Variants in RAB3GAP2 observed in about 807,000 individuals in gnomAD.
The protein encoded by RAB3GAP2 is RAB3 GTPase activating non-catalytic protein subunit 2, also known as rab3 GTPase-activating protein non-catalytic subunit.
RAB3GAP2 carries 87 observed loss-of-function variants against 185.3 expected under a neutral mutation model. That is an observed-to-expected ratio of 0.47 (90% confidence interval 0.39 to 0.56). The LOEUF (loss-of-function observed/expected upper bound fraction) is 0.56, where lower values mean the gene tolerates loss of function less well. Ranked by LOEUF, RAB3GAP2 falls within the 20% of genes least tolerant of loss-of-function variation. The pLI, the probability that RAB3GAP2 is intolerant of heterozygous loss-of-function variation, is 0.00. For missense variants in RAB3GAP2, 1,492 were observed against 1,638.2 expected (o/e 0.91, Z 1.54); for synonymous variants, 554 against 576.1 (o/e 0.96, Z 0.55).
Position 220,213,917 on chromosome 1 carries a change from G to C in RAB3GAP2, c.243C>G (p.Ser81=). 1 of 1,613,062 alleles carries C rather than the reference G, an allele frequency of 6.2e-7. No individual in the cohort carries two copies. The highest frequency in any genetic ancestry group is 1.3e-5 in the African/African-American group (1 of 75,004). ...KTSWLQDCVL[S]LSPTNDLMVI... is the part of the protein sequence containing the mutation. ...CCATAAGATCATTGGTTGGAGATAA[G>C]GATAAAACACAATCTTGGAGCCAGG... The change falls in exon 3 of 35, where the codon TCC becomes TCG. Residue 81 remains serine (S), a synonymous_variant. Coordinates refer to ENST00000358951, the MANE Select transcript of RAB3GAP2 (RefSeq NM_012414.4).
Position 220,149,287 on chromosome 1 carries a change from G to A in RAB3GAP2, c.*1964C>T, listed in dbSNP as rs191918545. 6.6e-6 allele frequency: 1 copy of A among 152,120 alleles called. No homozygotes were observed. The highest frequency in any genetic ancestry group is 2.4e-5 in the African/African-American group (1 of 41,430). The allele number at this position is 152,120 out of a possible 1,614,324, so 9.4% of individuals were successfully genotyped here. A position where few individuals can be genotyped will look rare whatever the true frequency, so the allele number is the denominator to read the frequency against. ...TCTAACTAGAGACTTAATGATTTGTGTTAGGATTCTGTGAGCCATACTTCA... is the reference window on the plus strand; with the variant it reads ...TCTAACTAGAGACTTAATGATTTGTATTAGGATTCTGTGAGCCATACTTCA... On this transcript the variant is annotated 3_prime_UTR_variant, in exon 35 of 35. Coordinates refer to ENST00000358951, the MANE Select transcript of RAB3GAP2 (RefSeq NM_012414.4).
In RAB3GAP2 at chr1:220,189,754, T is replaced by A. The variant is rs1658577913; in HGVS notation, c.1728A>T (p.Thr576=). Residue 576 remains threonine, a synonymous_variant, in exon 17 of 35, where the codon ACA becomes ACT. Coordinates refer to ENST00000358951, the MANE Select transcript of RAB3GAP2 (RefSeq NM_012414.4). ...TATCAAGAATTAATTCCTTTATTTC[T>A]GTTTCAACCAAATCTATAAAGAAAA... ...TKSPNLDLVE[T]EIKELILDIK... The A allele has an allele frequency of 2.0e-6, 3 of 1,519,232 alleles. No individual in the cohort carries two copies. The highest frequency in any genetic ancestry group is 2.8e-5 in the African/African-American group (2 of 72,350). 94.1% of individuals were successfully genotyped at this position (1,519,232 alleles called of 1,614,324 possible).
In RAB3GAP2 at chr1:220,158,095, T is replaced by C. The variant is rs1190990959; in HGVS notation, c.3262-219A>G. On this transcript the variant is annotated intron_variant, in intron 29 of 34. Coordinates refer to ENST00000358951, the MANE Select transcript of RAB3GAP2 (RefSeq NM_012414.4). The surrounding 1 kb of genome is among the most constrained non-coding windows in gnomAD (Gnocchi z 4.3). Reference sequence around the variant, plus strand: ...GTCAAGCTTTACAAAGTGGTATAAATATTGACTTTTAAAAAGTAGTGTTCT... The same window carrying C: ...GTCAAGCTTTACAAAGTGGTATAAACATTGACTTTTAAAAAGTAGTGTTCT... 6.6e-6 allele frequency among the ~76,000 whole-genome samples: 1 copy of C among 152,214 alleles called. No individual in the cohort carries two copies. The highest frequency in any genetic ancestry group is 1.9e-4 in the East Asian group (1 of 5,192).
chr1:220,158,241 A>G lies in RAB3GAP2; in HGVS notation c.3262-365T>C, dbSNP rs1558138875. On this transcript the variant is annotated intron_variant, in intron 29 of 34. Transcript: ENST00000358951. The surrounding 1 kb of genome is among the most constrained non-coding windows in gnomAD (Gnocchi z 4.3). ...ATCGTGGTAGATGGAAGATACACACATGAGAATCTAACCTGAAAAGCTCCA... is the reference window on the plus strand; with the variant it reads ...ATCGTGGTAGATGGAAGATACACACGTGAGAATCTAACCTGAAAAGCTCCA... Among the ~76,000 whole-genome samples the G allele has an allele frequency of 6.6e-6, 1 of 152,192 alleles. No homozygotes were observed. Among genetic ancestry groups the G allele is most frequent in the African/African-American group, 2.4e-5 (1 of 41,444 alleles).
intron 7 of RAB3GAP2, among the ~76,000 whole-genome samples, chr1:220,206,671 C>T (rs1024173744): frequency 1.3e-5 from 2 of 152,198 alleles, no homozygotes; most frequent in Non-Finnish European, 2.9e-5. Flanking sequence ...TCTTCAATGA[C>T]TCTCTTCTGC....
At chr1:220,250,204 C>G (rs181341858) in intron 1 of RAB3GAP2, among the ~76,000 whole-genome samples, 1 of 152,318 alleles carries the variant, frequency 6.6e-6, no homozygotes, top group African/African-American at 2.4e-5. Context: ...AGGGGGGGAG[C>G]TGCTCAAGGC....
At chr1:220,187,245 TC>T (rs1658523541) in intron 17 of RAB3GAP2, among the ~76,000 whole-genome samples, 1 of 152,176 alleles carries the variant, frequency 6.6e-6, no homozygotes. Context: ...GCTAGGAGTT[TC>T]TTTTGTTCTA....
At chr1:220,179,188 G>C (rs1240118609) in intron 21 of RAB3GAP2, among the ~76,000 whole-genome samples, 3 of 145,124 alleles carry the variant, frequency 2.1e-5, no homozygotes, top group East Asian at 4.1e-4. Context: ...GGTAGAGGTT[G>C]CAGTGAGCCG....
chr1:220,204,731 C>T (rs1418399392), intron 8 of RAB3GAP2, among the ~76,000 whole-genome samples: 3 of 105,992 alleles, frequency 2.8e-5, no homozygotes, highest in Non-Finnish European at 3.7e-5. Context: ...TGCTATCCCT[C>T]CCCCCTCCCC....
chr1:220,206,155 T>A, intron 7 of RAB3GAP2, 149 bp from the exon 8 acceptor site: 3 of 597,284 alleles, frequency 5.0e-6, no homozygotes, highest in Non-Finnish European at 8.8e-6. Flanking sequence ...GATAAAAAAT[T>A]AATTTGAGAG....
intron 21 of RAB3GAP2, among the ~76,000 whole-genome samples, chr1:220,181,809 A>C (rs1658411366): frequency 6.6e-6 from 1 of 151,964 alleles, no homozygotes; most frequent in Non-Finnish European, 1.5e-5. Context: ...AAAAGCTTTG[A>C]GCGGTCATGC....
chr1:220,253,171 G>A (rs890648012), intron 1 of RAB3GAP2, among the ~76,000 whole-genome samples: 15 of 152,188 alleles, frequency 9.9e-5, no homozygotes, highest in Admixed American at 8.5e-4. Flanking sequence ...GCTTCTTGGG[G>A]TGGGACCCTG....
At chr1:220,194,486 G>A (rs558626499) in intron 12 of RAB3GAP2, among the ~76,000 whole-genome samples, 11 of 151,956 alleles carry the variant, frequency 7.2e-5, no homozygotes, top group Admixed American at 1.3e-4. Context: ...TCTGCCTCCC[G>A]GGTTTGAGCA....
intron 27 of RAB3GAP2, among the ~76,000 whole-genome samples, chr1:220,163,744 C>CAT (rs373160821): frequency 0.043 from 5,272 of 122,870 alleles, 166 homozygotes; most frequent in South Asian, 0.079. Flanking sequence ...TAAATACATA[C>CAT]ATATATATAT....
At chr1:220,204,855 C>G (rs1258160443) in intron 8 of RAB3GAP2, among the ~76,000 whole-genome samples, 1 of 150,018 alleles carries the variant, frequency 6.7e-6, no homozygotes, top group Non-Finnish European at 1.5e-5. Flanking sequence ...TTTGTCCTTG[C>G]GATAGTTTGC....
chr1:220,184,820 T>TAAA (rs1658479878), intron 18 of RAB3GAP2, among the ~76,000 whole-genome samples: 1 of 152,042 alleles, frequency 6.6e-6, no homozygotes. Context: ...CCACGCTTTT[T>TAAA]AAAAGAGGGA....
chr1:220,211,192 T>C, intron 4 of RAB3GAP2, 190 bp from the exon 5 acceptor site: 1 of 689,704 alleles, frequency 1.4e-6, no homozygotes, highest in Non-Finnish European at 2.6e-6. Flanking sequence ...ACACAAAATG[T>C]AATGCCACAT....
At chr1:220,256,881 C>T (rs969514421) in intron 1 of RAB3GAP2, among the ~76,000 whole-genome samples, 2 of 152,132 alleles carry the variant, frequency 1.3e-5, no homozygotes, top group Admixed American at 1.3e-4. Context: ...CTGAACTCAG[C>T]TCTAAAACAA....
rs1456998313 is a variant in RAB3GAP2 at position 220,167,535 on chromosome 1, A to G, written c.2947T>C (p.Ser983Pro). Residue 983 changes from serine (S) to proline (P), a missense_variant, in exon 25 of 35, where the codon TCA becomes CCA. Ser to Pro is a moderately conservative substitution (Grantham distance 74, BLOSUM62 -1). Coordinates refer to ENST00000358951, the MANE Select transcript of RAB3GAP2 (RefSeq NM_012414.4). ...GCTCCTAAGTCCATCTCCATCTCTG[A>G]TACCTCAAGGAAACTTCTGTTAACA... ...EGVNRSFLEVSEMEMDLGAIP... is the reference protein window; with the variant it reads ...EGVNRSFLEVPEMEMDLGAIP... 6.2e-7 allele frequency: 1 copy of G among 1,613,978 alleles called. No homozygotes were observed. Among genetic ancestry groups the G allele is most frequent in the Non-Finnish European group, 8.5e-7 (1 of 1,180,018 alleles).
Sources: gnomAD v4.1 joint callset for allele counts (sites outside exome capture counted in the v4.1 genomes callset) on GRCh38, gnomAD v4.1.1 for gene constraint, Gnocchi (gnomAD v3.1) non-coding constraint, MANE v1.5 for transcripts, NCBI Gene and HGNC (gene_info 2026-07-23, HGNC 2026-07-21) for gene names.